Variants in WDFY4 observed in about 807,000 individuals in gnomAD.
WDFY4 encodes the protein WD repeat- and FYVE domain-containing protein 4.
WDFY4 carries 169 observed loss-of-function variants against 351.9 expected under a neutral mutation model. The ratio of observed to expected loss-of-function variants is 0.48; its 90% CI spans 0.42 to 0.55. The LOEUF is 0.55. WDFY4 is among the 20% of genes least tolerant of loss of function. The pLI is 0.00. For synonymous variants in WDFY4, 1,622 were observed against 1,574.6 expected, an observed-to-expected ratio of 1.03 and a Z score of -0.71; for missense variants, 3,803 against 3,935.6, an observed-to-expected ratio of 0.97 and a Z score of 0.90.
Position 48,946,931 on chromosome 10 carries a change from C to T in WDFY4, c.7939C>T (p.Arg2647Trp), listed in dbSNP as rs1316066944. ...SAIIVASYLV[R>W]MPPFTQAFCA... Reference sequence around the variant, plus strand: ...CATCATCGTGGCCTCCTACCTGGTCCGGATGCCACCCTTCACCCAGGCCTT... The same window carrying T: ...CATCATCGTGGCCTCCTACCTGGTCTGGATGCCACCCTTCACCCAGGCCTT... The change falls in exon 51 of 62, where the codon CGG becomes TGG. Residue 2647 changes from arginine (R) to tryptophan (W), a missense_variant. Coordinates refer to ENST00000325239, the MANE Select transcript of WDFY4 (RefSeq NM_001394531.1). 4.5e-6 allele frequency: 7 copies of T among 1,551,612 alleles called. No homozygotes were observed. Among genetic ancestry groups the T allele is most frequent in the South Asian group, 1.2e-5 (1 of 84,052 alleles).
rs867553560 is a variant in WDFY4, at chr10:48,786,647, C to T, written c.3585C>T (p.Tyr1195=). The change falls in exon 20 of 62, where the codon TAC becomes TAT. Residue 1195 remains tyrosine (Y), a synonymous_variant. Coordinates refer to ENST00000325239, the MANE Select transcript of WDFY4 (RefSeq NM_001394531.1). ...CCTTTTTATTTTAACAGATGTTATA[C>T]ATCCAGGCTCTACCAGGGCCTTTCC... ...GQVIGSAKML[Y]IQALPGPFLS... The T allele has an allele frequency of 4.5e-6, 7 of 1,550,832 alleles. No individual in the cohort carries two copies. The highest frequency in any genetic ancestry group is 2.0e-5 in the Admixed American group (1 of 50,854).
chr10:48,746,623 TA>T (rs554671356), intron 12 of WDFY4, among the ~76,000 whole-genome samples: 1,649 of 151,352 alleles, frequency 0.011, 26 homozygotes, highest in African/African-American at 0.035. Flanking sequence ...TGTTCCACTT[TA>T]AAAAAAAACA....
At chr10:48,974,797 T>C in intron 57 of WDFY4, 65 bp from the exon 58 acceptor site, 1 of 1,441,678 alleles carries the variant, frequency 6.9e-7, no homozygotes, top group Non-Finnish European at 9.2e-7. Context: ...ATAGGGAGGG[T>C]GAAGAATTCC....
At chr10:48,968,844 G>T (rs1842205624) in intron 55 of WDFY4, 4 of 545,082 alleles carry the variant, frequency 7.3e-6, no homozygotes, top group Non-Finnish European at 1.3e-5. Context: ...TGTGACTCCT[G>T]CCCCGGGGCC....
At chr10:48,708,293 C>T (rs2063684513) in intron 1 of WDFY4, among the ~76,000 whole-genome samples, 1 of 152,160 alleles carries the variant, frequency 6.6e-6, no homozygotes. Flanking sequence ...GGCTGGTTAT[C>T]CTTGCCGGTG....
intron 12 of WDFY4, among the ~76,000 whole-genome samples, chr10:48,745,119 A>T (rs1420707848): frequency 6.6e-6 from 1 of 151,858 alleles, no homozygotes; most frequent in African/African-American, 2.4e-5. Context: ...TTTCTCTGTA[A>T]TTTGTAAGTT....
At chr10:48,787,573 T>G (rs1189727826) in intron 20 of WDFY4, among the ~76,000 whole-genome samples, 1 of 152,246 alleles carries the variant, frequency 6.6e-6, no homozygotes, top group Non-Finnish European at 1.5e-5. Flanking sequence ...ACTGGGGTGT[T>G]TGCCGTGGCT....
intron 46 of WDFY4, among the ~76,000 whole-genome samples, chr10:48,900,983 C>G (rs3897964): frequency 0.13 from 20,278 of 152,082 alleles, 1,501 homozygotes; most frequent in Middle Eastern, 0.21. Flanking sequence ...ATGTGCTGCT[C>G]CACATGGGCT....
At chr10:48,779,323 GT>G (rs2132649454) in intron 18 of WDFY4, among the ~76,000 whole-genome samples, 1 of 152,370 alleles carries the variant, frequency 6.6e-6, no homozygotes, top group Non-Finnish European at 1.5e-5. Context: ...TCCTTTGGCA[GT>G]GCTAGAGGCC....
At chr10:48,834,389 C>T (rs1203946169) in intron 39 of WDFY4, among the ~76,000 whole-genome samples, 1 of 152,188 alleles carries the variant, frequency 6.6e-6, no homozygotes, top group African/African-American at 2.4e-5. Context: ...TCAGAGCTTT[C>T]ATTCCTGAAC....
At chr10:48,951,656 G>T (rs2133801507) in intron 51 of WDFY4, among the ~76,000 whole-genome samples, 1 of 152,270 alleles carries the variant, frequency 6.6e-6, no homozygotes, top group South Asian at 2.1e-4. Context: ...TGTAAAGACG[G>T]GGTCTTATTA....
At chr10:48,893,807 A>AT (rs1292735560) in intron 44 of WDFY4, among the ~76,000 whole-genome samples, 1 of 152,220 alleles carries the variant, frequency 6.6e-6, no homozygotes, top group East Asian at 1.9e-4. Flanking sequence ...CATAACTATC[A>AT]TTTATCTCAC....
intron 24 of WDFY4, among the ~76,000 whole-genome samples, chr10:48,799,042 T>C (rs1286807399): frequency 6.6e-6 from 1 of 152,126 alleles, no homozygotes; most frequent in Non-Finnish European, 1.5e-5. Flanking sequence ...CCTTCTGAAG[T>C]GCTGTGGCCA....
chr10:48,837,117 C>A (rs569844337), intron 39 of WDFY4, among the ~76,000 whole-genome samples: 1 of 151,948 alleles, frequency 6.6e-6, no homozygotes, highest in South Asian at 2.1e-4. Context: ...TTCTAAAATG[C>A]AATGTGTGTC....
At chr10:48,969,753 C>T (rs1842255620) in intron 56 of WDFY4, among the ~76,000 whole-genome samples, 1 of 150,994 alleles carries the variant, frequency 6.6e-6, no homozygotes, top group African/African-American at 2.4e-5. Flanking sequence ...CCCCTAATCC[C>T]ATCACTTACA....
chr10:48,918,923 G>A (rs1214339205), intron 47 of WDFY4, among the ~76,000 whole-genome samples: 2 of 152,180 alleles, frequency 1.3e-5, no homozygotes, highest in Non-Finnish European at 2.9e-5. Flanking sequence ...AAAATTGCCT[G>A]GAGATGAGAA....
At chr10:48,863,646 C>CT (rs2069424894) in intron 39 of WDFY4, among the ~76,000 whole-genome samples, 1 of 151,520 alleles carries the variant, frequency 6.6e-6, no homozygotes, top group Non-Finnish European at 1.5e-5. Flanking sequence ...TTCTGTGGGT[C>CT]TTTTTTTACT....
intron 30 of WDFY4, among the ~76,000 whole-genome samples, chr10:48,812,979 C>G (rs2067509406): frequency 6.6e-6 from 1 of 152,188 alleles, no homozygotes; most frequent in South Asian, 2.1e-4. Flanking sequence ...TACTTAGACC[C>G]CCAGACAGAG....
At chr10:48,702,347 A>C (rs937900419) in intron 1 of WDFY4, among the ~76,000 whole-genome samples, 1 of 152,152 alleles carries the variant, frequency 6.6e-6, no homozygotes, top group African/African-American at 2.4e-5. Context: ...GAAACAGGAC[A>C]TTTCTATCCC....
Sources: allele counts gnomAD v4.1 joint callset (sites outside exome capture counted in the v4.1 genomes callset), GRCh38; gene constraint gnomAD v4.1.1; transcripts MANE v1.5; gene names NCBI Gene and HGNC (gene_info 2026-07-23, HGNC 2026-07-21).